Variants in DLGAP2 observed in about 807,000 individuals in gnomAD.
DLGAP2 encodes disks large-associated protein 2.
In DLGAP2, 26 loss-of-function variants were observed where a neutral mutation model predicts 100.3. The ratio of observed to expected loss-of-function variants is 0.26; its 90% CI spans 0.19 to 0.36. DLGAP2 has a LOEUF of 0.36. DLGAP2 is among the 10% of genes least tolerant of loss of function. The pLI, the probability that DLGAP2 is intolerant of heterozygous loss-of-function variation, is 1.00. For missense variants in DLGAP2, 1,858 were observed against 1,453.2 expected (o/e 1.28, Z -4.53); for synonymous variants, 886 against 630.1 (o/e 1.41, Z -6.08).
chr8:1,693,917 G>T (rs1460473927), intron 13 of DLGAP2, among the ~76,000 whole-genome samples: 2 of 152,164 alleles, frequency 1.3e-5, no homozygotes, highest in Non-Finnish European at 1.5e-5. Context: ...TACCTTTAAA[G>T]GAATTGATTC....
chr8:1,614,271 C>A (rs534121818), intron 6 of DLGAP2, among the ~76,000 whole-genome samples: 1 of 152,226 alleles, frequency 6.6e-6, no homozygotes, highest in Non-Finnish European at 1.5e-5. Context: ...TGAGCATTTG[C>A]AGTCAGGCAA....
At chr8:1,391,180 A>G (rs760513632) in intron 3 of DLGAP2, among the ~76,000 whole-genome samples, 23 of 152,242 alleles carry the variant, frequency 1.5e-4, no homozygotes, top group Non-Finnish European at 3.1e-4. Context: ...AATTGGAAAG[A>G]TTAACTCAGA....
chr8:772,197 A>C (rs1821381544), intron 1 of DLGAP2, among the ~76,000 whole-genome samples: 5 of 151,842 alleles, frequency 3.3e-5, no homozygotes. Context: ...CACTGTGCCC[A>C]GCCTCATCTG....
intron 2 of DLGAP2, among the ~76,000 whole-genome samples, chr8:1,160,564 A>G (rs1009750842): frequency 1.3e-5 from 2 of 152,120 alleles, no homozygotes; most frequent in Admixed American, 6.5e-5. Flanking sequence ...TCTTACACTC[A>G]TTATTTTGCC....
chr8:1,287,494 G>GTGTGTA, intron 3 of DLGAP2, among the ~76,000 whole-genome samples: 1 of 41,486 alleles, frequency 2.4e-5, no homozygotes, highest in South Asian at 6.6e-4. Flanking sequence ...GTGTGTGTGT[G>GTGTGTA]TGGTTCTGTT....
chr8:1,677,203 G>A (rs960619096), intron 11 of DLGAP2, among the ~76,000 whole-genome samples: 12 of 152,208 alleles, frequency 7.9e-5, no homozygotes, highest in Non-Finnish European at 1.2e-4. Flanking sequence ...CAGGGACAGT[G>A]TTGGGTGGCC....
intron 4 of DLGAP2, among the ~76,000 whole-genome samples, chr8:1,535,828 G>A (rs1801137381): frequency 6.6e-6 from 1 of 152,144 alleles, no homozygotes; most frequent in Non-Finnish European, 1.5e-5. Flanking sequence ...GCAGACAGTG[G>A]GCTGCCCTGT....
Position 965,612 on chromosome 8 carries a change from G to GACCCC in DLGAP2, c.73+57646_73+57647insACCCC, listed in dbSNP as rs1563117953. On this transcript the variant is annotated intron_variant, in intron 2 of 14. Coordinates refer to ENST00000637795, the MANE Select transcript of DLGAP2 (RefSeq NM_001346810.2). ...TTCACCTCACACGGCTCCTGAGTCT[G>GACCCC]GCCCCGCACTGCACACGGCACTGTT... Among the ~76,000 whole-genome samples, 9 of 122,442 alleles carry GACCCC rather than the reference G, an allele frequency of 7.4e-5. 4 individuals carry two copies. The highest frequency in any genetic ancestry group is 5.7e-4 in the South Asian group (2 of 3,526). 80.3% of individuals were successfully genotyped at this position (122,442 alleles called of 152,430 possible).
chr8:1,536,049 G>T (rs1309849641), intron 4 of DLGAP2, among the ~76,000 whole-genome samples: 1 of 152,166 alleles, frequency 6.6e-6, no homozygotes, highest in Non-Finnish European at 1.5e-5. Context: ...ATTAGCCCCA[G>T]TTTCTCCATT....
Position 1,354,987 on chromosome 8 carries a change from G to A in DLGAP2, c.106+96104G>A, listed in dbSNP as rs528251324. Among the ~76,000 whole-genome samples the A allele has an allele frequency of 2.4e-3, 350 of 142,966 alleles. 2 individuals are homozygous for A. The highest frequency in any genetic ancestry group is 8.8e-3 in the African/African-American group (327 of 37,050). 93.8% of individuals were successfully genotyped at this position (142,966 alleles called of 152,430 possible). A position where few individuals can be genotyped will look rare whatever the true frequency, so the allele number is the denominator to read the frequency against. On this transcript the variant is annotated intron_variant, in intron 3 of 14. Transcript: ENST00000637795. Reference sequence around the variant, plus strand: ...GCTGCGGATGAGGGTGGAAAGTCACGGATGATGCTGCGGATGAGGGTGGAA... The same window carrying A: ...GCTGCGGATGAGGGTGGAAAGTCACAGATGATGCTGCGGATGAGGGTGGAA...
At chr8:1,376,439 G>A (rs1656185313) in intron 3 of DLGAP2, among the ~76,000 whole-genome samples, 1 of 152,268 alleles carries the variant, frequency 6.6e-6, no homozygotes, top group Non-Finnish European at 1.5e-5. Context: ...ACCTGCTGGT[G>A]GCAGTGAATC....
chr8:950,866 C>T (rs1467076059), intron 2 of DLGAP2, among the ~76,000 whole-genome samples: 2 of 151,890 alleles, frequency 1.3e-5, no homozygotes, highest in Non-Finnish European at 2.9e-5. Flanking sequence ...CCTTGTGGTC[C>T]ACCCGCCTCA....
At chr8:947,465 A>G (rs1174436689) in intron 2 of DLGAP2, among the ~76,000 whole-genome samples, 1 of 152,182 alleles carries the variant, frequency 6.6e-6, no homozygotes, top group African/African-American at 2.4e-5. Context: ...CTGCCCTTAC[A>G]CGAAGCGTAG....
chr8:1,026,232 T>A (rs1387347396), intron 2 of DLGAP2, among the ~76,000 whole-genome samples: 1 of 152,194 alleles, frequency 6.6e-6, no homozygotes, highest in Non-Finnish European at 1.5e-5. Context: ...TGGAGACGTT[T>A]GCCGTCTTCC....
At chr8:1,536,499 T>C (rs562922852) in intron 4 of DLGAP2, among the ~76,000 whole-genome samples, 1 of 152,314 alleles carries the variant, frequency 6.6e-6, no homozygotes, top group Admixed American at 6.5e-5. Context: ...TCTTCCTTTT[T>C]CCATTCGGTA....
intron 3 of DLGAP2, among the ~76,000 whole-genome samples, chr8:1,447,350 GT>G (rs1798009953): frequency 6.6e-6 from 1 of 152,096 alleles, no homozygotes; most frequent in South Asian, 2.1e-4. Context: ...TAATCATGTG[GT>G]TTTTGTCTTT....
rs1034198421 is a variant in DLGAP2 at position 1,617,883 on chromosome 8, A to G, written c.1443-8857A>G. 2.6e-5 allele frequency among the ~76,000 whole-genome samples: 4 copies of G among 152,362 alleles called. No individual in the cohort carries two copies. The East Asian group carries it at 5.8e-4, about 22-fold the overall frequency. On this transcript the variant is annotated intron_variant, in intron 6 of 14. Coordinates refer to ENST00000637795, the MANE Select transcript of DLGAP2 (RefSeq NM_001346810.2). ...AGAGGAACAAGTATATGAATAGGAC[A>G]TATGGAAAACAACAGTAAAATGGTA... is the stretch of plus-strand genomic sequence containing the variant.
intron 2 of DLGAP2, among the ~76,000 whole-genome samples, chr8:1,059,108 G>C (rs1802973478): frequency 6.6e-6 from 1 of 152,248 alleles, no homozygotes; most frequent in East Asian, 1.9e-4. Flanking sequence ...CCATCTCTCT[G>C]TGTCCAGTGG....
At chr8:1,574,625 A>G (rs1300205815) in intron 6 of DLGAP2, among the ~76,000 whole-genome samples, 2 of 152,204 alleles carry the variant, frequency 1.3e-5, no homozygotes, top group African/African-American at 4.8e-5. Context: ...TGACATTTCC[A>G]TTTTGTTATG....
Sources: gnomAD v4.1 joint callset for allele counts (sites outside exome capture counted in the v4.1 genomes callset) on GRCh38, gnomAD v4.1.1 for gene constraint, MANE v1.5 for transcripts, NCBI Gene and HGNC (gene_info 2026-07-23, HGNC 2026-07-21) for gene names.